Variants in MTHFD1L observed in about 807,000 individuals in gnomAD.
MTHFD1L encodes the protein monofunctional C1-tetrahydrofolate synthase, mitochondrial.
In MTHFD1L, 81 loss-of-function variants were observed where a neutral mutation model predicts 119.5. That is an observed-to-expected ratio of 0.68 (90% CI 0.57 to 0.82). The LOEUF (loss-of-function observed/expected upper bound fraction) is 0.82. MTHFD1L is among the 40% of genes least tolerant of loss of function. The pLI is 0.00. For synonymous variants in MTHFD1L, 430 were observed against 475.2 expected (o/e 0.90, Z 1.24); for missense variants, 1,125 against 1,253.4 (o/e 0.90, Z 1.55).
intron 16 of MTHFD1L, among the ~76,000 whole-genome samples, chr6:150,954,082 G>A (rs1033450150): frequency 1.3e-5 from 2 of 152,180 alleles, no homozygotes; most frequent in African/African-American, 4.8e-5. Context: ...GCCGAGTCAG[G>A]GAACAGCCAT....
intron 7 of MTHFD1L, among the ~76,000 whole-genome samples, chr6:150,896,891 G>A (rs1784320160): frequency 6.6e-6 from 1 of 151,992 alleles, no homozygotes; most frequent in African/African-American, 2.4e-5. Flanking sequence ...GGTGGATCAT[G>A]AGGTCAGGAA....
chr6:150,957,151 C>G (rs907724296), intron 17 of MTHFD1L, among the ~76,000 whole-genome samples: 1 of 152,256 alleles, frequency 6.6e-6, no homozygotes, highest in African/African-American at 2.4e-5. Flanking sequence ...TTTTTATTTG[C>G]TGCTGTGTTC....
chr6:151,062,512 A>G lies in MTHFD1L; in HGVS notation c.2847+25395A>G, dbSNP rs147232989. 3.3e-5 allele frequency among the ~76,000 whole-genome samples: 5 copies of G among 152,306 alleles called. No homozygotes were observed. In the East Asian group the frequency reaches 9.6e-4, roughly 29 times the overall value. On this transcript the variant is annotated intron_variant, in intron 26 of 27. Coordinates refer to ENST00000367321, the MANE Select transcript of MTHFD1L (RefSeq NM_015440.5). ...TATGTTAACAGGCACTCTGTTTGCC[A>G]CTAGGAATAAAAAGATAAATGGGAC... is the stretch of plus-strand genomic sequence containing the variant.
chr6:151,031,767 A>G (rs1584232348), intron 24 of MTHFD1L, among the ~76,000 whole-genome samples: 1 of 152,174 alleles, frequency 6.6e-6, no homozygotes, highest in Non-Finnish European at 1.5e-5. Flanking sequence ...ATCCTTCTCT[A>G]CTTCAGAATA....
chr6:151,018,920 G>A (rs1783535480), intron 24 of MTHFD1L, among the ~76,000 whole-genome samples: 1 of 152,230 alleles, frequency 6.6e-6, no homozygotes, highest in African/African-American at 2.4e-5. Flanking sequence ...TACAGAGGCG[G>A]TAGAGATCAA....
chr6:150,884,654 CAG>C (rs1781923087), intron 5 of MTHFD1L, among the ~76,000 whole-genome samples: 1 of 151,998 alleles, frequency 6.6e-6, no homozygotes, highest in Admixed American at 6.6e-5. Context: ...ACAAAAACAA[CAG>C]AGAGTAAAAG....
At chr6:150,951,053 T>TTTTTG in intron 16 of MTHFD1L, among the ~76,000 whole-genome samples, 1 of 151,192 alleles carries the variant, frequency 6.6e-6, no homozygotes, top group Non-Finnish European at 1.5e-5. Context: ...TGTTTTTTTT[T>TTTTTG]TGAGACAGGG....
At chr6:150,996,385 G>T (rs1303824282) in intron 20 of MTHFD1L, among the ~76,000 whole-genome samples, 1 of 151,960 alleles carries the variant, frequency 6.6e-6, no homozygotes, top group Non-Finnish European at 1.5e-5. Context: ...ATCTTGCCCA[G>T]GCTGGTCTCC....
At chr6:150,968,494 T>C (rs553079702) in intron 19 of MTHFD1L, among the ~76,000 whole-genome samples, 1 of 152,188 alleles carries the variant, frequency 6.6e-6, no homozygotes, top group Admixed American at 6.5e-5. Flanking sequence ...TTTATTGTTG[T>C]TGTTTGTTTT....
In MTHFD1L at chr6:150,885,652, G is replaced by A. The variant is rs1782123561; in HGVS notation, c.561G>A (p.Leu187=). 4 of 1,613,780 alleles carry A rather than the reference G, an allele frequency of 2.5e-6. No individual in the cohort carries two copies. The highest frequency in any genetic ancestry group is 3.4e-6 in the Non-Finnish European group (4 of 1,179,814). The change falls in exon 6 of 28, where the codon CTG becomes CTA. Residue 187 remains leucine, a synonymous_variant. Coordinates refer to ENST00000367321, the MANE Select transcript of MTHFD1L (RefSeq NM_015440.5). ...GATTCAGAGTAACAGACATAAACCT[G>A]GGGAAGCTGGTGCGAGGGGATGCCC... The part of the protein sequence containing the change: ...KDVDGVTDIN[L]GKLVRGDAHE...
At chr6:150,960,146 C>CA in intron 17 of MTHFD1L, 129 bp from the exon 18 acceptor site, 1 of 1,235,154 alleles carries the variant, frequency 8.1e-7, no homozygotes, top group Non-Finnish European at 1.1e-6. Flanking sequence ...GATGGGATTG[C>CA]ATGCATGGCC....
Position 150,922,218 on chromosome 6 carries a change from G to A in MTHFD1L, c.998G>A (p.Ser333Asn), listed in dbSNP as rs1789079654. ...AALRIQNMVS[S>N]GRRWLREQQH... ...TCCCTGCTGAAGAACATGGTCAGTA[G>A]TGGAAGGAGATGGCTTCGTGAACAG... Residue 333 changes from serine (S) to asparagine (N), a missense_variant, in exon 10 of 28, where the codon AGT (serine) becomes AAT (asparagine). Transcript: ENST00000367321. 1 of 1,614,020 alleles carries A rather than the reference G, an allele frequency of 6.2e-7. No homozygotes were observed. Among genetic ancestry groups the A allele is most frequent in the South Asian group, 1.1e-5 (1 of 91,064 alleles).
chr6:150,927,735 G>A (rs1412761284), intron 11 of MTHFD1L, among the ~76,000 whole-genome samples: 2 of 152,010 alleles, frequency 1.3e-5, no homozygotes, highest in African/African-American at 4.8e-5. Flanking sequence ...GGGATTACAG[G>A]TGTGAGCCAC....
chr6:150,963,926 G>A (rs370984649), intron 18 of MTHFD1L, among the ~76,000 whole-genome samples: 1 of 152,218 alleles, frequency 6.6e-6, no homozygotes, highest in Non-Finnish European at 1.5e-5. Context: ...CTAGCACTTT[G>A]AGAGGCCGAG....
intron 5 of MTHFD1L, among the ~76,000 whole-genome samples, chr6:150,884,341 C>T (rs1781866223): frequency 1.3e-5 from 2 of 151,908 alleles, no homozygotes; most frequent in African/African-American, 4.8e-5. Flanking sequence ...GAGGTTTCAC[C>T]GTGTTAGCCA....
At chr6:150,962,921 T>C (rs1290152382) in intron 18 of MTHFD1L, among the ~76,000 whole-genome samples, 4 of 146,658 alleles carry the variant, frequency 2.7e-5, no homozygotes, top group Admixed American at 6.8e-5. Flanking sequence ...TTTCTTTTTT[T>C]TTTTTTTTTT....
At chr6:151,055,096 T>C (rs1269904826) in intron 26 of MTHFD1L, 1 of 152,118 alleles carries the variant, frequency 6.6e-6, no homozygotes, top group Non-Finnish European at 1.5e-5. Context: ...TGAAACCTCA[T>C]TTCTACTAAA....
chr6:150,990,613 C>A (rs1644141952), intron 20 of MTHFD1L, among the ~76,000 whole-genome samples: 1 of 151,816 alleles, frequency 6.6e-6, no homozygotes, highest in Non-Finnish European at 1.5e-5. Flanking sequence ...GCATGCGCCA[C>A]CATGCCCAGC....
chr6:151,055,460 T>C (rs1486630850), intron 26 of MTHFD1L, among the ~76,000 whole-genome samples: 2 of 151,678 alleles, frequency 1.3e-5, no homozygotes, highest in East Asian at 1.9e-4. Flanking sequence ...CTAGTAAAGA[T>C]AGAAAGTAGC....
Sources: gnomAD v4.1 joint callset for allele counts (sites outside exome capture counted in the v4.1 genomes callset) on GRCh38, gnomAD v4.1.1 for gene constraint, MANE v1.5 for transcripts, NCBI Gene and HGNC (gene_info 2026-07-23, HGNC 2026-07-21) for gene names.